LRRTM4: variants seen among roughly 807,000 people sequenced by gnomAD.
LRRTM4 encodes the protein leucine-rich repeat transmembrane neuronal protein 4.
A neutral mutation model predicts 47.6 loss-of-function variants in LRRTM4; 25 were observed. The ratio of observed to expected loss-of-function variants is 0.53; its 90% confidence interval spans 0.38 to 0.73. The LOEUF is 0.73. LRRTM4 is among the 30% of genes least tolerant of loss of function. The pLI is 0.00. For missense variants in LRRTM4, 638 were observed against 713.4 expected, an observed-to-expected ratio of 0.89 and a Z score of 1.20; for synonymous variants, 311 against 269.5, an observed-to-expected ratio of 1.15 and a Z score of -1.51.
chr2:76,856,140 C>T (rs990264781), intron 3 of LRRTM4, among the ~76,000 whole-genome samples: 6 of 151,864 alleles, frequency 4.0e-5, no homozygotes, highest in Admixed American at 2.6e-4. Context: ...AGCCCAGCAT[C>T]GTGGCTGACG....
chr2:76,935,144 G>T (rs1049592732), intron 3 of LRRTM4, among the ~76,000 whole-genome samples: 1 of 152,134 alleles, frequency 6.6e-6, no homozygotes, highest in Non-Finnish European at 1.5e-5. Flanking sequence ...TATTAAAAAT[G>T]ACATTGTGTA....
intron 3 of LRRTM4, among the ~76,000 whole-genome samples, chr2:77,100,420 G>T (rs557301534): frequency 2.6e-5 from 4 of 152,110 alleles, no homozygotes; most frequent in African/African-American, 9.7e-5. Flanking sequence ...CATTGCCTCC[G>T]AGTTGAATCA....
intron 3 of LRRTM4, among the ~76,000 whole-genome samples, chr2:77,308,810 G>C (rs1366480491): frequency 6.6e-6 from 1 of 151,076 alleles, no homozygotes; most frequent in Non-Finnish European, 1.5e-5. Context: ...TTTTGCTTTT[G>C]GTAGCAGCCT....
chr2:77,158,641 A>G (rs1295596157), intron 3 of LRRTM4, among the ~76,000 whole-genome samples: 1 of 152,058 alleles, frequency 6.6e-6, no homozygotes, highest in Non-Finnish European at 1.5e-5. Context: ...TGCTATTAAG[A>G]CAAGCAGTTT....
At chr2:76,908,537 A>G (rs1334795062) in intron 3 of LRRTM4, among the ~76,000 whole-genome samples, 1 of 152,026 alleles carries the variant, frequency 6.6e-6, no homozygotes, top group African/African-American at 2.4e-5. Flanking sequence ...CAATTAAGAA[A>G]AGAGGAAGTC....
chr2:77,181,273 A>G (rs1169512857), intron 3 of LRRTM4, among the ~76,000 whole-genome samples: 1 of 152,166 alleles, frequency 6.6e-6, no homozygotes, highest in African/African-American at 2.4e-5. Flanking sequence ...ATTTTGGAAT[A>G]CCAGTTTCAT....
chr2:76,834,333 A>G (rs56224404), intron 3 of LRRTM4, among the ~76,000 whole-genome samples: 60,007 of 151,506 alleles, frequency 0.4, 12,471 homozygotes, highest in Middle Eastern at 0.56. Context: ...TTATAGGCGT[A>G]AGCCACCATG....
intron 3 of LRRTM4, among the ~76,000 whole-genome samples, chr2:76,930,686 G>C (rs907174099): frequency 3.3e-5 from 5 of 152,086 alleles, no homozygotes; most frequent in Admixed American, 6.6e-5. Flanking sequence ...AATGGATGTG[G>C]AATCAGAGGG....
At chr2:77,315,476 G>A (rs555970385) in intron 3 of LRRTM4, among the ~76,000 whole-genome samples, 1 of 152,184 alleles carries the variant, frequency 6.6e-6, no homozygotes, top group African/African-American at 2.4e-5. Context: ...TGCTAGTGCT[G>A]TAAAATTTAC....
At chr2:77,244,284 C>G (rs1174233704) in intron 3 of LRRTM4, among the ~76,000 whole-genome samples, 1 of 144,682 alleles carries the variant, frequency 6.9e-6, no homozygotes, top group South Asian at 2.3e-4. Flanking sequence ...GGGTATATAC[C>G]CAGTAATGGG....
intron 3 of LRRTM4, among the ~76,000 whole-genome samples, chr2:76,830,864 A>G (rs1423072316): frequency 6.6e-6 from 1 of 152,074 alleles, no homozygotes; most frequent in Non-Finnish European, 1.5e-5. Flanking sequence ...TTCAGATCCA[A>G]AAATAGCTGT....
intron 3 of LRRTM4, among the ~76,000 whole-genome samples, chr2:76,941,029 T>C (rs1031262417): frequency 6.6e-6 from 1 of 152,196 alleles, no homozygotes; most frequent in Non-Finnish European, 1.5e-5. Context: ...ATTATTGTTG[T>C]TTTTAAATTT....
At chr2:77,197,855 T>C (rs763390154) in intron 3 of LRRTM4, among the ~76,000 whole-genome samples, 1 of 152,218 alleles carries the variant, frequency 6.6e-6, no homozygotes, top group Non-Finnish European at 1.5e-5. Flanking sequence ...CTTGATTCCT[T>C]GCAAAGGCAT....
intron 3 of LRRTM4, among the ~76,000 whole-genome samples, chr2:76,941,306 ATTTT>A (rs1167704809): frequency 1.3e-5 from 2 of 152,084 alleles, no homozygotes; most frequent in Non-Finnish European, 2.9e-5. Flanking sequence ...TGTAAAACAC[ATTTT>A]ATTTTATATA....
intron 3 of LRRTM4, among the ~76,000 whole-genome samples, chr2:77,511,095 T>C (rs17751760): frequency 0.22 from 33,380 of 152,062 alleles, 4,152 homozygotes; most frequent in Middle Eastern, 0.3. Context: ...TTACAAGTTA[T>C]GGTGTACAGA....
intron 3 of LRRTM4, among the ~76,000 whole-genome samples, chr2:77,483,363 G>A (rs757076285): frequency 1.3e-5 from 2 of 151,988 alleles, no homozygotes; most frequent in Non-Finnish European, 2.9e-5. Flanking sequence ...GGTGGAGGGG[G>A]ACAGTCTCTC....
chr2:77,452,375 G>C (rs1397439054), intron 3 of LRRTM4, among the ~76,000 whole-genome samples: 2 of 152,192 alleles, frequency 1.3e-5, no homozygotes, highest in African/African-American at 4.8e-5. Flanking sequence ...AAGGAAAAGA[G>C]AGATAAGAAA....
rs933151838 is a variant in LRRTM4, at chr2:76,846,511, A to G, written c.1552-97595T>C. ...TTCTAACATCTGTTAGAATCTTTCAATATCTACCCAAGTATCATCTAGCTA... is the reference window on the plus strand; with the variant it reads ...TTCTAACATCTGTTAGAATCTTTCAGTATCTACCCAAGTATCATCTAGCTA... On this transcript the variant is annotated intron_variant, in intron 3 of 3. Transcript: ENST00000409884. Among the ~76,000 whole-genome samples the G allele has an allele frequency of 6.6e-5, 10 of 152,172 alleles. No individual in the cohort carries two copies. The East Asian group carries it at 7.7e-4, about 12-fold the overall frequency.
At chr2:76,837,074 C>T (rs961236709) in intron 3 of LRRTM4, among the ~76,000 whole-genome samples, 5 of 152,248 alleles carry the variant, frequency 3.3e-5, no homozygotes, top group Admixed American at 2.0e-4. Flanking sequence ...TGTTATTGGT[C>T]TATTCAGAGA....
Sources: allele counts gnomAD v4.1 joint callset (sites outside exome capture counted in the v4.1 genomes callset), GRCh38; gene constraint gnomAD v4.1.1; transcripts MANE v1.5; gene names NCBI Gene and HGNC (gene_info 2026-07-23, HGNC 2026-07-21).